CMSS1: variants seen among roughly 807,000 people sequenced by gnomAD.
The protein encoded by CMSS1 is cms1 ribosomal small subunit homolog.
In CMSS1, 33 loss-of-function variants were observed where a neutral mutation model predicts 43.5. The ratio of observed to expected loss-of-function variants is 0.76; its 90% CI spans 0.57 to 1.01. The LOEUF (loss-of-function observed/expected upper bound fraction) is 1.01. Among genes scored for constraint, CMSS1 ranks in the 50% least tolerant of loss-of-function variants. The probability of loss-of-function intolerance (pLI) is 0.00; values close to 1 mark genes in which losing one functional copy is unlikely to be tolerated. For synonymous variants in CMSS1, 115 were observed against 117.2 expected (o/e 0.98, Z 0.12); for missense variants, 313 against 326.4 (o/e 0.96, Z 0.32).
intron 1 of CMSS1, among the ~76,000 whole-genome samples, chr3:99,992,002 A>ATGTG (rs1201211092): frequency 6.0e-4 from 90 of 149,716 alleles, no homozygotes; most frequent in African/African-American, 2.2e-3. Context: ...ACGTATATAT[A>ATGTG]TGTGTGTGTG....
intron 1 of CMSS1, chr3:99,830,479 C>T (rs1942634497): frequency 4.4e-6 from 2 of 456,512 alleles, no homozygotes; most frequent in South Asian, 3.1e-5. Context: ...TGTAGCTTCC[C>T]ACAGCCATTT....
Position 100,144,037 on chromosome 3 carries a change from G to T in CMSS1, c.65-2936G>T, listed in dbSNP as rs184044143. 1.3e-5 allele frequency among the ~76,000 whole-genome samples: 2 copies of T among 152,122 alleles called. 1 individual carries two copies. Among genetic ancestry groups the T allele is most frequent in the East Asian group, 3.9e-4 (2 of 5,174 alleles). The stretch of plus-strand genomic sequence containing the variant: ...TCTGTCAATCTCTGTCTTTAAATTG[G>T]TATGTTTGGGCTATTTACATTTAAT... On this transcript the variant is annotated intron_variant, in intron 1 of 9. Coordinates refer to ENST00000421999, the MANE Select transcript of CMSS1 (RefSeq NM_032359.4).
chr3:100,149,183 T>C (rs746878752), intron 2 of CMSS1, among the ~76,000 whole-genome samples: 1 of 152,208 alleles, frequency 6.6e-6, no homozygotes, highest in Non-Finnish European at 1.5e-5. Context: ...AAAGACCTTT[T>C]ATTGAGCAGT....
At chr3:100,042,587 C>T (rs1289538905) in intron 1 of CMSS1, among the ~76,000 whole-genome samples, 2 of 152,186 alleles carry the variant, frequency 1.3e-5, no homozygotes, top group African/African-American at 2.4e-5. Flanking sequence ...ATGGTTCAGA[C>T]ATTGTTAACC....
chr3:100,061,468 T>C (rs1159971255), intron 1 of CMSS1, among the ~76,000 whole-genome samples: 8 of 152,256 alleles, frequency 5.3e-5, no homozygotes, highest in Admixed American at 2.0e-4. Flanking sequence ...TTTTACTTTC[T>C]TTCTCCTCCT....
intron 1 of CMSS1, among the ~76,000 whole-genome samples, chr3:99,838,934 T>C (rs1943012497): frequency 6.6e-6 from 1 of 152,188 alleles, no homozygotes; most frequent in Non-Finnish European, 1.5e-5. Context: ...TTCTTCACAA[T>C]CAACAGGTCT....
At chr3:100,035,677 T>C (rs930903705) in intron 1 of CMSS1, among the ~76,000 whole-genome samples, 6 of 152,242 alleles carry the variant, frequency 3.9e-5, no homozygotes, top group Admixed American at 2.0e-4. Flanking sequence ...GCAGAAACTT[T>C]TATCATTCTG....
chr3:99,962,298 G>T (rs974003398), intron 1 of CMSS1, among the ~76,000 whole-genome samples: 3 of 152,148 alleles, frequency 2.0e-5, no homozygotes, highest in Non-Finnish European at 4.4e-5. Context: ...AGATGAGGTC[G>T]CATGTGATGG....
chr3:99,822,588 T>C (rs1327850497), intron 1 of CMSS1, among the ~76,000 whole-genome samples: 2 of 152,042 alleles, frequency 1.3e-5, no homozygotes, highest in African/African-American at 2.4e-5. Flanking sequence ...AAAAATTAGC[T>C]GGGCGTGGTG....
chr3:99,839,684 G>C (rs1943045698), intron 1 of CMSS1, among the ~76,000 whole-genome samples: 1 of 152,170 alleles, frequency 6.6e-6, no homozygotes, highest in South Asian at 2.1e-4. Context: ...CTTTGAAAGA[G>C]ACAGAAGTAT....
chr3:99,978,435 A>G (rs1401579817), intron 1 of CMSS1, among the ~76,000 whole-genome samples: 1 of 152,254 alleles, frequency 6.6e-6, no homozygotes, highest in Admixed American at 6.5e-5. Flanking sequence ...TATCTACACA[A>G]TGGAATACTA....
intron 1 of CMSS1, among the ~76,000 whole-genome samples, chr3:100,105,577 A>G (rs1299820583): frequency 6.6e-6 from 1 of 152,164 alleles, no homozygotes; most frequent in Admixed American, 6.5e-5. Flanking sequence ...CTTCTCATAT[A>G]CCCTTTAAGC....
chr3:100,074,655 C>G (rs1321034380), intron 1 of CMSS1, among the ~76,000 whole-genome samples: 1 of 76,192 alleles, frequency 1.3e-5, no homozygotes. Context: ...ATCTTATTTT[C>G]TATGCATGTG....
chr3:99,914,703 T>C (rs1706897848), intron 1 of CMSS1, among the ~76,000 whole-genome samples: 1 of 152,226 alleles, frequency 6.6e-6, no homozygotes, highest in African/African-American at 2.4e-5. Flanking sequence ...GACTTAGCAA[T>C]TTCACATATA....
intron 1 of CMSS1, among the ~76,000 whole-genome samples, chr3:99,938,536 G>T (rs990183620): frequency 2.0e-5 from 3 of 152,126 alleles, no homozygotes; most frequent in African/African-American, 7.2e-5. Flanking sequence ...GAGTTTAGAG[G>T]GCAGACTGTC....
intron 1 of CMSS1, among the ~76,000 whole-genome samples, chr3:99,993,129 C>G (rs1039707830): frequency 2.6e-5 from 4 of 151,894 alleles, no homozygotes; most frequent in African/African-American, 9.7e-5. Context: ...CTTAGGATTT[C>G]TTTGGCTATT....
At chr3:99,970,347 G>A (rs1219966696) in intron 1 of CMSS1, among the ~76,000 whole-genome samples, 2 of 152,210 alleles carry the variant, frequency 1.3e-5, no homozygotes. Flanking sequence ...CAGGCCTTCT[G>A]GTGTGTGAGG....
At chr3:100,168,841 T>C (rs2107530417) in intron 6 of CMSS1, among the ~76,000 whole-genome samples, 1 of 149,804 alleles carries the variant, frequency 6.7e-6, no homozygotes, top group South Asian at 2.1e-4. Flanking sequence ...AATGAGAGGA[T>C]TATATTCCTA....
At chr3:99,892,759 A>G (rs1441770324) in intron 1 of CMSS1, among the ~76,000 whole-genome samples, 4 of 152,200 alleles carry the variant, frequency 2.6e-5, no homozygotes, top group Non-Finnish European at 5.9e-5. Flanking sequence ...CTTATGCCTT[A>G]TTGTCTGGAA....
Sources: gnomAD v4.1 joint callset for allele counts (sites outside exome capture counted in the v4.1 genomes callset) on GRCh38, gnomAD v4.1.1 for gene constraint, MANE v1.5 for transcripts, NCBI Gene and HGNC (gene_info 2026-07-23, HGNC 2026-07-21) for gene names.